Variants in TP63 observed in about 807,000 individuals in gnomAD.
TP63 encodes the protein tumor protein 63.
In TP63, 17 loss-of-function variants were observed where a neutral mutation model predicts 82.8. The ratio of observed to expected loss-of-function variants is 0.21; its 90% confidence interval spans 0.14 to 0.31. The LOEUF is 0.31. Ranked by LOEUF, TP63 falls within the 10% of genes least tolerant of loss-of-function variation. The pLI is 1.00. For synonymous variants in TP63, 330 were observed against 321.7 expected (o/e 1.03, Z -0.28); for missense variants, 648 against 895.3 (o/e 0.72, Z 3.52).
At chr3:189,722,668 A>T (rs374449273) in intron 1 of TP63, among the ~76,000 whole-genome samples, 1 of 152,230 alleles carries the variant, frequency 6.6e-6, no homozygotes, top group East Asian at 1.9e-4. Context: ...ACCTTCCCCA[A>T]AGTTATACAC....
intron 1 of TP63, among the ~76,000 whole-genome samples, chr3:189,680,926 G>T (rs6804019): frequency 0.019 from 2,942 of 152,260 alleles, 103 homozygotes; most frequent in African/African-American, 0.067. Flanking sequence ...GGGTCTGCAA[G>T]GGCTGGCTGG....
Position 189,771,485 on chromosome 3 carries a change from T to G in TP63, c.324+32711T>G, listed in dbSNP as rs1004424514. ...ATATAATATTTAATATATAATTAATTTATATAATATATAAATATATTAAAT... is the reference window on the plus strand; with the variant it reads ...ATATAATATTTAATATATAATTAATGTATATAATATATAAATATATTAAAT... On this transcript the variant is annotated intron_variant, in intron 3 of 13. Coordinates refer to ENST00000264731, the MANE Select transcript of TP63 (RefSeq NM_003722.5). 2.8e-5 allele frequency among the ~76,000 whole-genome samples: 4 copies of G among 142,138 alleles called. No homozygotes were observed. The East Asian group carries it at 7.9e-4, about 28-fold the overall frequency. 93.2% of individuals were successfully genotyped at this position (142,138 alleles called of 152,430 possible). A position where few individuals can be genotyped will look rare whatever the true frequency, so the allele number is the denominator to read the frequency against.
chr3:189,851,441 G>C (rs1715617642), intron 4 of TP63, among the ~76,000 whole-genome samples: 1 of 152,144 alleles, frequency 6.6e-6, no homozygotes, highest in Admixed American at 6.5e-5. Context: ...CGGGCGTAGT[G>C]GTGGGCGCCT....
intron 4 of TP63, among the ~76,000 whole-genome samples, chr3:189,829,609 G>A (rs1170466271): frequency 6.6e-6 from 1 of 152,204 alleles, no homozygotes; most frequent in Non-Finnish European, 1.5e-5. Context: ...GCAGAGACTA[G>A]ATTTGGAGGA....
At chr3:189,682,293 A>G (rs1218681218) in intron 1 of TP63, among the ~76,000 whole-genome samples, 1 of 151,996 alleles carries the variant, frequency 6.6e-6, no homozygotes, top group Non-Finnish European at 1.5e-5. Flanking sequence ...CAACTTTGCC[A>G]TAAATCAAAG....
intron 3 of TP63, among the ~76,000 whole-genome samples, chr3:189,753,877 T>C (rs1721996892): frequency 6.6e-6 from 1 of 152,122 alleles, no homozygotes; most frequent in South Asian, 2.1e-4. Context: ...CATTATTTCA[T>C]AGTCTGCTGA....
At chr3:189,886,274 GA>G in intron 10 of TP63, 119 bp from the exon 11 acceptor site, 1 of 1,167,792 alleles carries the variant, frequency 8.6e-7, no homozygotes, top group Non-Finnish European at 1.3e-6. Context: ...ATTAATCCTA[GA>G]AGAATGTTTT....
chr3:189,618,610 C>G, the TP63 span, among the ~76,000 whole-genome samples: 3 of 152,106 alleles, frequency 2.0e-5, no homozygotes, highest in Non-Finnish European at 4.4e-5. Flanking sequence ...TTAACAGTCC[C>G]AGGTCTATGA....
chr3:189,704,614 A>G (rs905563810), intron 1 of TP63, among the ~76,000 whole-genome samples: 7 of 152,356 alleles, frequency 4.6e-5, no homozygotes, highest in African/African-American at 1.7e-4. Context: ...TATAAATTTA[A>G]GGAAGGACAA....
chr3:189,622,914 C>T, the TP63 span, among the ~76,000 whole-genome samples: 8 of 152,254 alleles, frequency 5.3e-5, no homozygotes, highest in Admixed American at 3.3e-4. Flanking sequence ...CGATAAACCA[C>T]GATACAAAGC....
chr3:189,607,342 T>G, the TP63 span, among the ~76,000 whole-genome samples: 1 of 152,220 alleles, frequency 6.6e-6, no homozygotes, highest in Non-Finnish European at 1.5e-5. Context: ...AGAAGCTGAA[T>G]GAAGAAAATG....
At chr3:189,859,980 G>A (rs974019507) in intron 4 of TP63, among the ~76,000 whole-genome samples, 1 of 152,146 alleles carries the variant, frequency 6.6e-6, no homozygotes, top group African/African-American at 2.4e-5. Flanking sequence ...GGGAGGGGAT[G>A]AACTGCAAAG....
At chr3:189,660,764 T>G (rs1009698227) in intron 1 of TP63, among the ~76,000 whole-genome samples, 4 of 152,050 alleles carry the variant, frequency 2.6e-5, no homozygotes, top group African/African-American at 9.7e-5. Context: ...TAGTTCTCCT[T>G]GTAGAGATCT....
At chr3:189,826,701 C>T (rs1180176555) in intron 4 of TP63, among the ~76,000 whole-genome samples, 1 of 152,162 alleles carries the variant, frequency 6.6e-6, no homozygotes, top group Non-Finnish European at 1.5e-5. Flanking sequence ...ACCACCGAAA[C>T]TGGTGTAACT....
chr3:189,767,676 T>A (rs1341444315), intron 3 of TP63, among the ~76,000 whole-genome samples: 1 of 152,062 alleles, frequency 6.6e-6, no homozygotes, highest in Non-Finnish European at 1.5e-5. Flanking sequence ...AAACCGTGAG[T>A]CTCAAGTTTT....
intron 4 of TP63, among the ~76,000 whole-genome samples, chr3:189,833,310 A>G (rs1427397151): frequency 6.6e-6 from 1 of 152,242 alleles, no homozygotes; most frequent in Non-Finnish European, 1.5e-5. Flanking sequence ...AGACCAGCAT[A>G]TAAACAAGTT....
At chr3:189,796,000 T>C (rs1234285200) in intron 3 of TP63, among the ~76,000 whole-genome samples, 4 of 152,052 alleles carry the variant, frequency 2.6e-5, no homozygotes, top group Admixed American at 2.6e-4. Flanking sequence ...TGACTCTCTG[T>C]GTTTATTATG....
intron 3 of TP63, among the ~76,000 whole-genome samples, chr3:189,772,477 T>TA (rs1170120540): frequency 6.6e-6 from 1 of 152,230 alleles, no homozygotes; most frequent in African/African-American, 2.4e-5. Context: ...AATCAATACA[T>TA]ACCAACTTGA....
At position 189,644,553 on chromosome 3, in the gene TP63, T is replaced by TG. The variant is rs1288886972; in HGVS notation, c.62+12981dup. Among the ~76,000 whole-genome samples, 26 of 152,140 alleles carry TG rather than the reference T, an allele frequency of 1.7e-4. 1 individual carries two copies. The highest frequency in any genetic ancestry group is 1.5e-5 in the Non-Finnish European group (1 of 68,026). ...TTTATTTTTATTGTTTCAATAGTTTTGGGGGAACGTGGTTTTTGGTTACAT... is the reference window on the plus strand; with the variant it reads ...TTTATTTTTATTGTTTCAATAGTTTTGGGGGGAACGTGGTTTTTGGTTACAT... On this transcript the variant is annotated intron_variant, in intron 1 of 13. Coordinates refer to ENST00000264731, the MANE Select transcript of TP63 (RefSeq NM_003722.5).
Sources: allele counts gnomAD v4.1 joint callset (sites outside exome capture counted in the v4.1 genomes callset), GRCh38; gene constraint gnomAD v4.1.1; transcripts MANE v1.5; gene names NCBI Gene and HGNC (gene_info 2026-07-23, HGNC 2026-07-21).